TRAK1: variants seen among roughly 807,000 people sequenced by gnomAD.
TRAK1 encodes trafficking kinesin-binding protein 1.
In TRAK1, 33 loss-of-function variants were observed where a neutral mutation model predicts 92.1. That is an observed-to-expected ratio of 0.36 (90% CI 0.27 to 0.48). The LOEUF (loss-of-function observed/expected upper bound fraction) is 0.48, where lower values mean the gene tolerates loss of function less well. Among genes scored for constraint, TRAK1 ranks in the 20% least tolerant of loss-of-function variants. TRAK1 has a pLI of 0.99. For synonymous variants in TRAK1, 521 were observed against 517.3 expected (o/e 1.01, Z -0.10); for missense variants, 1,123 against 1,257.9 (o/e 0.89, Z 1.62).
At chr3:42,118,351 C>G (rs558340092) in intron 1 of TRAK1, among the ~76,000 whole-genome samples, 1 of 152,290 alleles carries the variant, frequency 6.6e-6, no homozygotes, top group South Asian at 2.1e-4. Flanking sequence ...CTCGGCCTCC[C>G]AAAGTGCTGG....
chr3:42,197,854 G>T (rs1282709879), intron 10 of TRAK1, among the ~76,000 whole-genome samples: 1 of 152,216 alleles, frequency 6.6e-6, no homozygotes, highest in African/African-American at 2.4e-5. Context: ...TGAGGTGGAT[G>T]CCCTGGAGTC....
chr3:42,028,221 G>T (rs1701993154), intron 1 of TRAK1, among the ~76,000 whole-genome samples: 1 of 152,230 alleles, frequency 6.6e-6, no homozygotes, highest in Admixed American at 6.5e-5. Flanking sequence ...GTGTTTACAT[G>T]CTGCTCCCCA....
At chr3:42,028,188 C>T (rs1701991382) in intron 1 of TRAK1, among the ~76,000 whole-genome samples, 1 of 152,202 alleles carries the variant, frequency 6.6e-6, no homozygotes, top group South Asian at 2.1e-4. Flanking sequence ...ATACAGGTGC[C>T]GGAACACCAG....
At chr3:42,155,134 G>A (rs1700399965) in intron 2 of TRAK1, among the ~76,000 whole-genome samples, 1 of 152,064 alleles carries the variant, frequency 6.6e-6, no homozygotes, top group African/African-American at 2.4e-5. Flanking sequence ...AATTTGGCGG[G>A]TTCTGTGTCA....
At chr3:42,170,635 T>C (rs1424194193) in intron 2 of TRAK1, among the ~76,000 whole-genome samples, 2 of 152,146 alleles carry the variant, frequency 1.3e-5, no homozygotes, top group Admixed American at 6.5e-5. Flanking sequence ...ATGAAAATTA[T>C]AGAAAATTGA....
intron 1 of TRAK1, among the ~76,000 whole-genome samples, chr3:42,067,116 T>G (rs895137201): frequency 5.3e-5 from 8 of 152,232 alleles, no homozygotes; most frequent in Admixed American, 5.2e-4. Flanking sequence ...GAGAATTTCT[T>G]CTTTGTACTC....
intron 1 of TRAK1, among the ~76,000 whole-genome samples, chr3:42,099,258 T>C (rs1355208147): frequency 9.9e-5 from 15 of 151,842 alleles, no homozygotes; most frequent in Admixed American, 9.8e-4. Context: ...GCGGAGTTGC[T>C]GATGGGTGGA....
In TRAK1 at chr3:42,019,064, T is replaced by C. The variant is rs531002182; in HGVS notation, c.-519+4947T>C. The stretch of plus-strand genomic sequence containing the variant: ...TTGAACCCGGGAAGTGGAGGTTGCA[T>C]TGAGCCAAGATCGCACTACTGCACT... On this transcript the variant is annotated intron_variant, in intron 1 of 16. Transcript: ENST00000487159. Among the ~76,000 whole-genome samples, 3 of 152,096 alleles carry C rather than the reference T, an allele frequency of 2.0e-5. No individual in the cohort carries two copies. In the South Asian group the frequency reaches 6.2e-4, roughly 32 times the overall value.
intron 1 of TRAK1, among the ~76,000 whole-genome samples, chr3:42,025,250 G>T (rs1384783160): frequency 6.6e-6 from 1 of 152,200 alleles, no homozygotes; most frequent in African/African-American, 2.4e-5. Context: ...CACTCCTGGA[G>T]GGGCCTGTAC....
intron 1 of TRAK1, among the ~76,000 whole-genome samples, chr3:42,097,839 C>T (rs576733858): frequency 7.7e-4 from 118 of 152,260 alleles, no homozygotes; most frequent in African/African-American, 2.8e-3. Context: ...CCTTAGAAAA[C>T]AGACCAAACA....
chr3:42,161,208 T>C lies in TRAK1; in HGVS notation c.287-15606T>C, dbSNP rs144604468. Among the ~76,000 whole-genome samples, 12 of 152,314 alleles carry C rather than the reference T, an allele frequency of 7.9e-5. No homozygotes were observed. The East Asian group carries it at 2.3e-3, about 29-fold the overall frequency. ...CCAGATGCTGGTATGAGCTTTCTAGTTGGCCTTCCAGGGCTTTCACCCACA... is the reference window on the plus strand; with the variant it reads ...CCAGATGCTGGTATGAGCTTTCTAGCTGGCCTTCCAGGGCTTTCACCCACA... On this transcript the variant is annotated intron_variant, in intron 2 of 15. Transcript: ENST00000327628.
In TRAK1 at chr3:42,070,254, TATA is replaced by T. The variant is rs1336738780; in HGVS notation, c.-518-16847_-518-16845del. 8.2e-5 allele frequency among the ~76,000 whole-genome samples: 12 copies of T among 146,090 alleles called. 1 individual carries two copies. In the South Asian group the frequency reaches 8.4e-4, roughly 10 times the overall value. ...AATAATTATGAATAATAATAATTAT[TATA>T]ATTATAATAATTATGAATAATAATT... On this transcript the variant is annotated intron_variant, in intron 1 of 16. Coordinates refer to the TRAK1 transcript ENST00000487159.
chr3:42,074,481 G>A (rs1704063587), intron 1 of TRAK1, among the ~76,000 whole-genome samples: 1 of 152,194 alleles, frequency 6.6e-6, no homozygotes, highest in African/African-American at 2.4e-5. Flanking sequence ...CTTAAGCAAG[G>A]CCCTTCATGA....
At chr3:42,071,417 C>G (rs73828524) in intron 1 of TRAK1, among the ~76,000 whole-genome samples, 3,136 of 152,144 alleles carry the variant, frequency 0.021, 121 homozygotes, top group African/African-American at 0.072. Context: ...CCCATAGATA[C>G]CCACTCTTGG....
Position 42,047,924 on chromosome 3 carries a change from T to TTC in TRAK1, c.-519+33808_-519+33809insCT, listed in dbSNP as rs1553704540. 2.5e-3 allele frequency among the ~76,000 whole-genome samples: 361 copies of TTC among 147,122 alleles called. 5 individuals are homozygous for TTC. The highest frequency in any genetic ancestry group is 7.7e-3 in the African/African-American group (313 of 40,666). On this transcript the variant is annotated intron_variant, in intron 1 of 16. Coordinates refer to the TRAK1 transcript ENST00000487159. The stretch of plus-strand genomic sequence containing the variant: ...CACTCCCCCCCATAGTTTCTTTTCT[T>TTC]TTTTTTTTTTTTTTTGGTAAAATCA...
intron 3 of TRAK1, among the ~76,000 whole-genome samples, chr3:42,177,796 G>A (rs1275203683): frequency 2.6e-5 from 4 of 152,128 alleles, no homozygotes; most frequent in East Asian, 1.9e-4. Flanking sequence ...TGTCTCTACC[G>A]CTGCACATCC....
chr3:42,114,861 C>T (rs1708965153), intron 1 of TRAK1, among the ~76,000 whole-genome samples: 1 of 152,032 alleles, frequency 6.6e-6, no homozygotes, highest in African/African-American at 2.4e-5. Flanking sequence ...TACTGGCGTG[C>T]ACCACCACGT....
In TRAK1 at chr3:42,091,414, G is replaced by A. The variant is rs372672136; in HGVS notation, c.-56G>A. On this transcript the variant is annotated 5_prime_UTR_variant, in exon 1 of 16. Transcript: ENST00000327628. The stretch of plus-strand genomic sequence containing the variant: ...CTGTGCGAGGTACTGCCGGGGCTGA[G>A]CTCTCATGGAGGCTCTCTCTGTTCT... 247 of 1,544,780 alleles carry A rather than the reference G, an allele frequency of 1.6e-4. No homozygotes were observed. In the Middle Eastern group the frequency reaches 2.3e-3, roughly 15 times the overall value.
chr3:42,071,426 G>A (rs918541468), intron 1 of TRAK1, among the ~76,000 whole-genome samples: 5 of 152,088 alleles, frequency 3.3e-5, no homozygotes, highest in Non-Finnish European at 7.4e-5. Flanking sequence ...ACCCACTCTT[G>A]GTAGGGCGTG....
Sources: gnomAD v4.1 joint callset for allele counts (sites outside exome capture counted in the v4.1 genomes callset) on GRCh38, gnomAD v4.1.1 for gene constraint, MANE v1.5 for transcripts, NCBI Gene and HGNC (gene_info 2026-07-23, HGNC 2026-07-21) for gene names.